Variants in DLG2 observed in about 807,000 individuals in gnomAD.
DLG2 encodes the protein disks large homolog 2.
DLG2 carries 45 observed loss-of-function variants against 132.5 expected under a neutral mutation model. The observed-to-expected ratio is 0.34, with a 90% CI of 0.27 to 0.44. The LOEUF is 0.44. Among genes scored for constraint, DLG2 ranks in the 20% least tolerant of loss-of-function variants. DLG2 has a pLI of 1.00. For missense variants in DLG2, 1,045 were observed against 1,196.9 expected, an observed-to-expected ratio of 0.87 and a Z score of 1.87; for synonymous variants, 424 against 419.6, an observed-to-expected ratio of 1.01 and a Z score of -0.13.
intron 3 of DLG2, among the ~76,000 whole-genome samples, chr11:85,432,133 T>A (rs1018427372): frequency 6.6e-6 from 1 of 152,124 alleles, no homozygotes; most frequent in Non-Finnish European, 1.5e-5. Context: ...AACAATAGCA[T>A]CAATGATAAA....
chr11:84,746,617 A>G (rs1474530025), intron 6 of DLG2, among the ~76,000 whole-genome samples: 1 of 152,218 alleles, frequency 6.6e-6, no homozygotes, highest in Non-Finnish European at 1.5e-5. Flanking sequence ...AGTTGTTAAT[A>G]ATAAAATGTT....
chr11:85,240,908 T>C (rs935924899), intron 4 of DLG2, among the ~76,000 whole-genome samples: 7 of 151,780 alleles, frequency 4.6e-5, no homozygotes, highest in Non-Finnish European at 8.9e-5. Flanking sequence ...TTAATATCTA[T>C]ACTTCCATAA....
In DLG2 at chr11:83,460,999, GTTTT is replaced by G. The variant is rs10591072; in HGVS notation, c.2821+999_2821+1002del. On this transcript the variant is annotated intron_variant, in intron 27 of 27. Coordinates refer to ENST00000376104, the MANE Select transcript of DLG2 (RefSeq NM_001142699.3). The stretch of plus-strand genomic sequence containing the variant: ...GGTAATCCAGGAAGAAAGTTCTTGG[GTTTT>G]TTTTTTTTTTTTTTTTTTTTTTGAG... 7.9e-3 allele frequency among the ~76,000 whole-genome samples: 842 copies of G among 107,032 alleles called. 3 individuals carry two copies. The highest frequency in any genetic ancestry group is 0.021 in the African/African-American group (596 of 27,898). 70.2% of individuals were successfully genotyped at this position (107,032 alleles called of 152,430 possible).
chr11:84,619,603 A>C (rs1199673112), intron 6 of DLG2, among the ~76,000 whole-genome samples: 1 of 151,708 alleles, frequency 6.6e-6, no homozygotes, highest in East Asian at 1.9e-4. Context: ...AATCAATATA[A>C]TCACATTAAC....
chr11:84,978,494 A>C (rs2055242170), intron 6 of DLG2, among the ~76,000 whole-genome samples: 1 of 152,144 alleles, frequency 6.6e-6, no homozygotes, highest in South Asian at 2.1e-4. Flanking sequence ...GAGCCCTCAG[A>C]AATGGAACAC....
At chr11:84,030,321 T>G (rs1032594931) in intron 11 of DLG2, among the ~76,000 whole-genome samples, 1 of 152,142 alleles carries the variant, frequency 6.6e-6, no homozygotes, top group African/African-American at 2.4e-5. Flanking sequence ...AAATGGCATC[T>G]TAAATATAAT....
intron 7 of DLG2, among the ~76,000 whole-genome samples, chr11:84,354,724 A>G (rs1258050523): frequency 6.6e-6 from 1 of 152,064 alleles, no homozygotes; most frequent in Non-Finnish European, 1.5e-5. Flanking sequence ...CAGCTCCCTA[A>G]AGAGTTGTGA....
At chr11:85,010,997 G>C (rs1437605427) in intron 6 of DLG2, among the ~76,000 whole-genome samples, 5 of 152,132 alleles carry the variant, frequency 3.3e-5, no homozygotes, top group South Asian at 4.1e-4. Flanking sequence ...TTTCAGACAA[G>C]AAAGAGATTC....
chr11:84,542,208 G>T lies in DLG2; in HGVS notation c.358-7477C>A, dbSNP rs111398311. ...AGCTGGAGAGCTAGAACATGTTTGT[G>T]TGCACATGAATAGGTGGCATATTAT... is the stretch of plus-strand genomic sequence containing the variant. On this transcript the variant is annotated intron_variant, in intron 6 of 27. Transcript: ENST00000376104. Among the ~76,000 whole-genome samples, 46 of 152,222 alleles carry T rather than the reference G, an allele frequency of 3.0e-4. 1 individual carries two copies. The highest frequency in any genetic ancestry group is 6.8e-3 in the Middle Eastern group (2 of 294).
chr11:85,155,993 C>G (rs1488426262), intron 4 of DLG2, among the ~76,000 whole-genome samples: 1 of 152,138 alleles, frequency 6.6e-6, no homozygotes, highest in Non-Finnish European at 1.5e-5. Flanking sequence ...CCTCACCAAC[C>G]TAGCAGTCGG....
intron 11 of DLG2, among the ~76,000 whole-genome samples, chr11:84,022,561 C>G (rs1192584514): frequency 6.6e-6 from 1 of 152,176 alleles, no homozygotes; most frequent in African/African-American, 2.4e-5. Context: ...AAAACCTCTT[C>G]TTCATTCTCT....
chr11:83,789,302 A>G (rs966509399), intron 17 of DLG2, among the ~76,000 whole-genome samples: 8 of 143,332 alleles, frequency 5.6e-5, no homozygotes, highest in African/African-American at 2.1e-4. Context: ...AAAATGGGCC[A>G]TTTAAAAAGA....
intron 6 of DLG2, among the ~76,000 whole-genome samples, chr11:85,085,408 A>G (rs553508016): frequency 6.6e-6 from 1 of 152,234 alleles, no homozygotes; most frequent in East Asian, 1.9e-4. Context: ...AAACTGTTCA[A>G]TTCCCTTCCT....
chr11:85,385,941 T>C (rs2086286061), intron 3 of DLG2, among the ~76,000 whole-genome samples: 1 of 152,200 alleles, frequency 6.6e-6, no homozygotes, highest in Non-Finnish European at 1.5e-5. Flanking sequence ...AAAACTGACT[T>C]TACCCACGAT....
chr11:85,260,952 A>G (rs2076907489), intron 4 of DLG2, among the ~76,000 whole-genome samples: 1 of 152,208 alleles, frequency 6.6e-6, no homozygotes. Context: ...AAGCTGTTGG[A>G]AACAAATGGT....
chr11:83,803,482 A>G (rs1452788116), intron 17 of DLG2, among the ~76,000 whole-genome samples: 1 of 152,082 alleles, frequency 6.6e-6, no homozygotes, highest in East Asian at 1.9e-4. Flanking sequence ...AATCAATACC[A>G]TTTTTCACAT....
At chr11:85,268,366 G>A (rs1175683528) in intron 4 of DLG2, among the ~76,000 whole-genome samples, 2 of 152,130 alleles carry the variant, frequency 1.3e-5, no homozygotes, top group Admixed American at 6.6e-5. Flanking sequence ...TCCCCACTTT[G>A]AGTCTTCCTG....
intron 10 of DLG2, among the ~76,000 whole-genome samples, chr11:84,078,645 T>A: frequency 6.6e-6 from 1 of 152,208 alleles, no homozygotes; most frequent in East Asian, 1.9e-4. Flanking sequence ...GGATATTAAG[T>A]GACATAAATC....
At chr11:84,733,604 G>C (rs995196072) in intron 6 of DLG2, among the ~76,000 whole-genome samples, 2 of 152,070 alleles carry the variant, frequency 1.3e-5, no homozygotes, top group Non-Finnish European at 2.9e-5. Flanking sequence ...TCACTCTGAG[G>C]GTAGTTTCTT....
Sources: gnomAD v4.1 joint callset for allele counts (sites outside exome capture counted in the v4.1 genomes callset) on GRCh38, gnomAD v4.1.1 for gene constraint, MANE v1.5 for transcripts, NCBI Gene and HGNC (gene_info 2026-07-23, HGNC 2026-07-21) for gene names.